Variants in CYB5R4 observed in about 807,000 individuals in gnomAD.
CYB5R4 encodes N-terminal cytochrome b5 and cytochrome b5 oxidoreductase domain-containing protein.
In CYB5R4, 55 loss-of-function variants were observed where a neutral mutation model predicts 70.2. The observed-to-expected ratio is 0.78, with a 90% CI of 0.63 to 0.98. The LOEUF is 0.98. Ranked by LOEUF, CYB5R4 falls within the 50% of genes least tolerant of loss-of-function variation. The pLI, the probability that CYB5R4 is intolerant of heterozygous loss-of-function variation, is 0.00. For synonymous variants in CYB5R4, 197 were observed against 199.5 expected (o/e 0.99, Z 0.11); for missense variants, 562 against 612.6 (o/e 0.92, Z 0.87).
intron 1 of CYB5R4, among the ~76,000 whole-genome samples, chr6:83,863,595 A>G (rs1301456427): frequency 6.6e-6 from 1 of 152,218 alleles, no homozygotes; most frequent in Non-Finnish European, 1.5e-5. Context: ...AGCCAGGACC[A>G]GAACCTCTTT....
At chr6:83,912,971 CATAAG>C (rs1448332505) in intron 4 of CYB5R4, among the ~76,000 whole-genome samples, 1 of 152,088 alleles carries the variant, frequency 6.6e-6, no homozygotes, top group Non-Finnish European at 1.5e-5. Flanking sequence ...AAGAAATAAT[CATAAG>C]AGATAATATT....
intron 4 of CYB5R4, chr6:83,910,254 T>C: frequency 1.1e-6 from 1 of 925,456 alleles, no homozygotes; most frequent in Admixed American, 2.6e-5. Context: ...TTCTTTCTTC[T>C]AGAAGCCTCA....
At chr6:83,889,334 A>G (rs929606504) in intron 2 of CYB5R4, among the ~76,000 whole-genome samples, 10 of 152,186 alleles carry the variant, frequency 6.6e-5, no homozygotes, top group Non-Finnish European at 1.0e-4. Context: ...GCTTCAAAGG[A>G]CAGTCTGACA....
At chr6:83,936,871 T>A (rs1413161212) in intron 12 of CYB5R4, among the ~76,000 whole-genome samples, 1 of 152,272 alleles carries the variant, frequency 6.6e-6, no homozygotes, top group Non-Finnish European at 1.5e-5. Flanking sequence ...AAAATACTTG[T>A]GCTACTCAGA....
intron 2 of CYB5R4, among the ~76,000 whole-genome samples, chr6:83,885,648 G>A (rs762188661): frequency 1.3e-5 from 2 of 152,166 alleles, no homozygotes; most frequent in Non-Finnish European, 2.9e-5. Context: ...CTGGGTGTGA[G>A]ATTAAGTTGG....
intron 14 of CYB5R4, among the ~76,000 whole-genome samples, chr6:83,941,683 A>G (rs1227196606): frequency 6.6e-6 from 1 of 152,164 alleles, no homozygotes; most frequent in Non-Finnish European, 1.5e-5. Context: ...AAAATTAAGG[A>G]TGACACCTGA....
At chr6:83,950,446 C>T (rs2099471345) in intron 14 of CYB5R4, among the ~76,000 whole-genome samples, 1 of 152,166 alleles carries the variant, frequency 6.6e-6, no homozygotes, top group Non-Finnish European at 1.5e-5. Flanking sequence ...TCATTCAGTA[C>T]ACATTGGCCC....
At chr6:83,865,700 A>G in intron 2 of CYB5R4, among the ~76,000 whole-genome samples, 1 of 152,156 alleles carries the variant, frequency 6.6e-6, no homozygotes, top group East Asian at 1.9e-4. Context: ...TCATATTCTG[A>G]GCTACTGATG....
rs367825518 is a variant in CYB5R4 at position 83,928,511 on chromosome 6, C to A, written c.814+3919C>A. On this transcript the variant is annotated intron_variant, in intron 10 of 15. Coordinates refer to ENST00000369681, the MANE Select transcript of CYB5R4 (RefSeq NM_016230.4). ...GTCCATGGCTTTCAGAAAAAAAAAA[C>A]AAAACAAAAACTATATGGGACTTTC... Among the ~76,000 whole-genome samples, 451 of 151,038 alleles carry A rather than the reference C, an allele frequency of 3.0e-3. 1 individual carries two copies. The highest frequency in any genetic ancestry group is 9.5e-3 in the African/African-American group (391 of 41,188).
chr6:83,873,833 G>A (rs1382945305), intron 2 of CYB5R4, among the ~76,000 whole-genome samples: 1 of 152,120 alleles, frequency 6.6e-6, no homozygotes. Context: ...GTGCTGTGCT[G>A]AGTGAAGATC....
At chr6:83,953,244 T>C (rs1006948394) in intron 14 of CYB5R4, among the ~76,000 whole-genome samples, 31 of 152,120 alleles carry the variant, frequency 2.0e-4, no homozygotes, top group African/African-American at 7.0e-4. Flanking sequence ...ACCCAGTATG[T>C]CACAGACTTA....
chr6:83,941,823 G>T (rs1430679344), intron 14 of CYB5R4, among the ~76,000 whole-genome samples: 1 of 152,150 alleles, frequency 6.6e-6, no homozygotes, highest in Non-Finnish European at 1.5e-5. Context: ...AGTTTTTCAA[G>T]TATTTTTTAA....
At chr6:83,949,256 CCTTAAAGG>C (rs930520187) in intron 14 of CYB5R4, among the ~76,000 whole-genome samples, 3 of 151,816 alleles carry the variant, frequency 2.0e-5, no homozygotes, top group South Asian at 4.2e-4. Flanking sequence ...AGAACCCTGG[CCTTAAAGG>C]CTTATTGATT....
At chr6:83,956,630 GGAA>G (rs1188891265) in intron 15 of CYB5R4, among the ~76,000 whole-genome samples, 1 of 152,244 alleles carries the variant, frequency 6.6e-6, no homozygotes, top group East Asian at 1.9e-4. Flanking sequence ...GGACTGGCCT[GGAA>G]GAAGAAGATC....
intron 2 of CYB5R4, among the ~76,000 whole-genome samples, chr6:83,875,985 GGA>G (rs1267474397): frequency 6.6e-6 from 1 of 152,088 alleles, no homozygotes; most frequent in Non-Finnish European, 1.5e-5. Flanking sequence ...CTCTCAAAAT[GGA>G]GTCGCTCTGG....
intron 2 of CYB5R4, among the ~76,000 whole-genome samples, chr6:83,889,227 G>A (rs1400481761): frequency 4.6e-5 from 7 of 152,144 alleles, no homozygotes; most frequent in Admixed American, 1.3e-4. Context: ...TTGAATACAC[G>A]AAACAACACA....
At chr6:83,900,624 G>A (rs1175540772) in intron 3 of CYB5R4, among the ~76,000 whole-genome samples, 1 of 152,132 alleles carries the variant, frequency 6.6e-6, no homozygotes, top group African/African-American at 2.4e-5. Flanking sequence ...AGGTCTCTAA[G>A]GACTTGTTTT....
chr6:83,871,705 G>A (rs1359151447), intron 2 of CYB5R4, among the ~76,000 whole-genome samples: 1 of 151,852 alleles, frequency 6.6e-6, no homozygotes, highest in African/African-American at 2.4e-5. Context: ...CTTTACTTTT[G>A]TGTCAGTTTT....
intron 2 of CYB5R4, among the ~76,000 whole-genome samples, chr6:83,889,152 A>C (rs1242325226): frequency 6.6e-6 from 1 of 152,262 alleles, no homozygotes; most frequent in Admixed American, 6.5e-5. Flanking sequence ...AATGTGAAGC[A>C]TCAAATGCTG....
Sources: gnomAD v4.1 joint callset for allele counts (sites outside exome capture counted in the v4.1 genomes callset) on GRCh38, gnomAD v4.1.1 for gene constraint, MANE v1.5 for transcripts, NCBI Gene and HGNC (gene_info 2026-07-23, HGNC 2026-07-21) for gene names.